CHD8: variants seen among roughly 807,000 people sequenced by gnomAD.
CHD8 encodes chromodomain helicase DNA binding protein 8.
In CHD8, 31 loss-of-function variants were observed where a neutral mutation model predicts 279.2. The observed-to-expected ratio is 0.11, with a 90% confidence interval of 0.08 to 0.15. The LOEUF is 0.15. Among genes scored for constraint, CHD8 ranks in the 10% least tolerant of loss-of-function variants. The pLI is 1.00. For synonymous variants in CHD8, 1,081 were observed against 1,139.6 expected (o/e 0.95, Z 1.04); for missense variants, 2,146 against 3,230.5 (o/e 0.66, Z 8.14).
chr14:21,415,248 A>AG lies in CHD8; in HGVS notation c.1969-256_1969-255insC. 4 of 466,058 alleles carry AG rather than the reference A, an allele frequency of 8.6e-6. No individual in the cohort carries two copies. In the South Asian group the frequency reaches 1.2e-4, roughly 14 times the overall value. The allele number at this position is 466,058 out of a possible 1,614,324, so 28.9% of individuals were successfully genotyped here. ...CCTGTTTTCTAGCTAACTTTCCTCC[A>AG]TCATCTCTCACAACTACACCTTAGC... On this transcript the variant is annotated intron_variant, in intron 7 of 37. Coordinates refer to ENST00000646647, the MANE Select transcript of CHD8 (RefSeq NM_001170629.2).
chr14:21,430,844 G>C lies in CHD8; in HGVS notation c.800C>G (p.Pro267Arg). 6.3e-7 allele frequency: 1 copy of C among 1,599,286 alleles called. No homozygotes were observed. The highest frequency in any genetic ancestry group is 8.5e-7 in the Non-Finnish European group (1 of 1,179,676). Residue 267 changes from proline (P) to arginine (R), a missense_variant, in exon 2 of 38, where the codon CCC (proline) becomes CGC (arginine). By Grantham distance (103) the Pro-to-Arg change is moderately radical. Around this residue, in one of 26 missense-constraint regions of CHD8, gnomAD observed 302 missense variants for 325.5 expected, o/e 0.93. Coordinates refer to ENST00000646647, the MANE Select transcript of CHD8 (RefSeq NM_001170629.2). ...CAGTGTAACTGCAGGCTTCAGTGGG[G>C]GCCCTGTGGCCCCAGGGTTTCCAGC... The part of the protein sequence containing the change: ...APAGNPGATG[P>R]PLKPAVTLTS...
At chr14:21,401,119 T>C (rs752109553) in intron 21 of CHD8, 48 bp from the exon 22 acceptor site, 8 of 1,388,096 alleles carry the variant, frequency 5.8e-6, no homozygotes, top group Admixed American at 2.4e-5. Context: ...GATTTGCTCA[T>C]GGGAAAAGAA....
chr14:21,411,744 GC>G (rs1212874305), intron 10 of CHD8, among the ~76,000 whole-genome samples: 1 of 152,168 alleles, frequency 6.6e-6, no homozygotes, highest in Admixed American at 6.5e-5. Flanking sequence ...TTCACTGGTG[GC>G]TAAGACCTAG....
rs1468099652 is a variant in CHD8 at position 21,429,084 on chromosome 14, C to T, written c.1095G>A (p.Gln365=). 1 of 1,614,004 alleles carries T rather than the reference C, an allele frequency of 6.2e-7. No individual in the cohort carries two copies. The highest frequency in any genetic ancestry group is 8.5e-7 in the Non-Finnish European group (1 of 1,179,896). The change falls in exon 3 of 38, where the codon CAG becomes CAA. Residue 365 remains glutamine (Q), a synonymous_variant. Coordinates refer to ENST00000646647, the MANE Select transcript of CHD8 (RefSeq NM_001170629.2). ...TCACTGGCTGGGTGGAGGGTGGCTG[C>T]TGGGGCTGTGGCTGCGATGATGGTG... The part of the protein sequence containing the change: ...PQPPSSQPQP[Q]QPPSTQPVTL...
chr14:21,386,386 A>G (rs900922932), intron 37 of CHD8: 9 of 582,188 alleles, frequency 1.5e-5, no homozygotes, highest in Non-Finnish European at 2.4e-5. Context: ...TACTAAAGTT[A>G]AGATCAATGA....
chr14:21,391,493 T>C lies in CHD8; in HGVS notation c.7035A>G (p.Pro2345=). The change falls in exon 36 of 38, where the codon CCA becomes CCG. Residue 2345 remains proline (P), a synonymous_variant. Coordinates refer to ENST00000646647, the MANE Select transcript of CHD8 (RefSeq NM_001170629.2). ...AELEMWLQGH[P]EFAVDPRFLA... ...GAAATCGGGGATCAACAGCAAACTC[T>C]GGATGACCCTGTAACCACATCTCCA... 2 of 1,613,924 alleles carry C rather than the reference T, an allele frequency of 1.2e-6. No individual in the cohort carries two copies. The highest frequency in any genetic ancestry group is 8.5e-7 in the Non-Finnish European group (1 of 1,179,858).
chr14:21,436,491 G>A (rs1889784432), intron 1 of CHD8, among the ~76,000 whole-genome samples: 1 of 152,166 alleles, frequency 6.6e-6, no homozygotes, highest in African/African-American at 2.4e-5. Flanking sequence ...ACAATTTAGG[G>A]TCAGCAAAGG....
At chr14:21,437,576 G>A (rs1265496160) in intron 1 of CHD8, among the ~76,000 whole-genome samples, 1 of 152,140 alleles carries the variant, frequency 6.6e-6, no homozygotes, top group Non-Finnish European at 1.5e-5. Flanking sequence ...GTATAAACTT[G>A]GGAGGGAGGG....
intron 5 of CHD8, chr14:21,425,207 G>C (rs901772449): frequency 6.6e-6 from 1 of 152,108 alleles, no homozygotes; most frequent in African/African-American, 2.4e-5. Context: ...GGGATTCTTG[G>C]AGAGTTCTAA....
At chr14:21,424,043 T>C (rs1889180026) in intron 5 of CHD8, among the ~76,000 whole-genome samples, 1 of 152,228 alleles carries the variant, frequency 6.6e-6, no homozygotes, top group Admixed American at 6.5e-5. Flanking sequence ...TTATCAAGTG[T>C]ACCAATATTT....
intron 37 of CHD8, among the ~76,000 whole-genome samples, chr14:21,388,480 T>A (rs934640805): frequency 6.6e-6 from 1 of 151,622 alleles, no homozygotes; most frequent in African/African-American, 2.4e-5. Context: ...AAATACTACA[T>A]GATTTTATTT....
intron 1 of CHD8, among the ~76,000 whole-genome samples, chr14:21,435,196 T>A (rs1222779984): frequency 1.3e-5 from 2 of 152,124 alleles, no homozygotes; most frequent in South Asian, 2.1e-4. Context: ...ATGACAGAAA[T>A]CTTGGAGGGC....
intron 16 of CHD8, chr14:21,404,720 T>A (rs1888188138): frequency 6.4e-6 from 1 of 156,832 alleles, no homozygotes; most frequent in Non-Finnish European, 1.4e-5. Flanking sequence ...GTGTGGCTAA[T>A]CTGAGTTCTT....
At position 21,385,424 on chromosome 14, in the gene CHD8, T is replaced by C. The variant is rs376559942; in HGVS notation, c.*189A>G. On this transcript the variant is annotated 3_prime_UTR_variant, in exon 38 of 38. Coordinates refer to ENST00000646647, the MANE Select transcript of CHD8 (RefSeq NM_001170629.2). Reference sequence around the variant, plus strand: ...AAGTGGTCATGTATTATTTTAGGAGTTCCCCTGCCCACCCAATCCTCTCAT... The same window carrying C: ...AAGTGGTCATGTATTATTTTAGGAGCTCCCCTGCCCACCCAATCCTCTCAT... The C allele has an allele frequency of 9.1e-4, 830 of 915,148 alleles. 7 individuals carry two copies. Among genetic ancestry groups the C allele is most frequent in the African/African-American group, 7.8e-3 (465 of 59,700 alleles). The allele number at this position is 915,148 out of a possible 1,614,324, so 56.7% of individuals were successfully genotyped here. A position where few individuals can be genotyped will look rare whatever the true frequency, so the allele number is the denominator to read the frequency against.
intron 27 of CHD8, 71 bp downstream of exon 27, chr14:21,397,752 G>A: frequency 6.8e-7 from 1 of 1,479,594 alleles, no homozygotes; most frequent in Non-Finnish European, 9.3e-7. Flanking sequence ...GAATCCCATT[G>A]GGTTCAGTCA....
chr14:21,421,787 G>A (rs1188594628), intron 5 of CHD8, among the ~76,000 whole-genome samples: 1 of 152,136 alleles, frequency 6.6e-6, no homozygotes, highest in African/African-American at 2.4e-5. Flanking sequence ...AGTGTATTAG[G>A]AAATTGGGAA....
At chr14:21,415,191 A>G (rs1037327913) in intron 7 of CHD8, 198 bp from the exon 8 acceptor site, 1 of 533,228 alleles carries the variant, frequency 1.9e-6, no homozygotes. Context: ...CACTCTAAAC[A>G]GGTAAGTAAA....
At chr14:21,418,391 G>A (rs772144350) in intron 5 of CHD8, among the ~76,000 whole-genome samples, 7 of 152,078 alleles carry the variant, frequency 4.6e-5, no homozygotes, top group Non-Finnish European at 1.0e-4. Context: ...ATGGTGGCGT[G>A]CACCTGTAAT....
intron 16 of CHD8, chr14:21,404,909 GCAAC>G: frequency 3.6e-4 from 120 of 336,304 alleles, no homozygotes; most frequent in Middle Eastern, 1.7e-3. Context: ...TCGGCTCACT[GCAAC>G]CTCTGCCTTC....
Sources: gnomAD v4.1 joint callset for allele counts (sites outside exome capture counted in the v4.1 genomes callset) on GRCh38, gnomAD v4.1.1 for gene constraint, gnomAD v4.1.1 regional missense constraint, MANE v1.5 for transcripts, NCBI Gene and HGNC (gene_info 2026-07-23, HGNC 2026-07-21) for gene names.